IRAG2: variants seen among roughly 807,000 people sequenced by gnomAD.
IRAG2 encodes inositol 1,4,5-triphosphate receptor associated 2.
Under a neutral mutation model 69.9 loss-of-function variants are expected in IRAG2, and 45 were observed. That is an observed-to-expected ratio of 0.64 (90% CI 0.51 to 0.83). The LOEUF is 0.83. Ranked by LOEUF, IRAG2 falls within the 40% of genes least tolerant of loss-of-function variation. The pLI, the probability that IRAG2 is intolerant of heterozygous loss-of-function variation, is 0.00. For missense variants in IRAG2, 520 were observed against 587.0 expected (o/e 0.89, Z 1.18); for synonymous variants, 193 against 202.4 (o/e 0.95, Z 0.40).
intron 16 of IRAG2, 86 bp downstream of exon 16, chr12:25,101,411 A>C: frequency 5.6e-6 from 5 of 898,130 alleles, no homozygotes; most frequent in Non-Finnish European, 7.9e-6. Context: ...CTTCAGTATA[A>C]TAAAACTCTT....
intron 3 of IRAG2, among the ~76,000 whole-genome samples, chr12:25,014,598 T>A (rs924377566): frequency 6.6e-6 from 1 of 152,060 alleles, no homozygotes; most frequent in African/African-American, 2.4e-5. Flanking sequence ...CAAGCTAGAG[T>A]GTGTGTGCTA....
At chr12:25,017,042 T>A in intron 5 of IRAG2, 1 of 993,630 alleles carries the variant, frequency 1.0e-6, no homozygotes, top group Non-Finnish European at 1.3e-6. Flanking sequence ...CTCACCAGAA[T>A]ATCAAAGTTT....
intron 4 of IRAG2, among the ~76,000 whole-genome samples, chr12:25,065,387 T>C (rs1945911835): frequency 6.6e-6 from 1 of 152,168 alleles, no homozygotes; most frequent in Non-Finnish European, 1.5e-5. Flanking sequence ...TGATTGACCC[T>C]AAACCCTATG....
chr12:25,105,632 G>C (rs1949030118), intron 20 of IRAG2, among the ~76,000 whole-genome samples: 1 of 137,182 alleles, frequency 7.3e-6, no homozygotes, highest in Admixed American at 7.3e-5. Flanking sequence ...ATGAATTTGA[G>C]CTGGTTGGAA....
At chr12:25,077,196 G>T (rs1202733780) in intron 6 of IRAG2, among the ~76,000 whole-genome samples, 1 of 92,186 alleles carries the variant, frequency 1.1e-5, no homozygotes, top group African/African-American at 3.6e-5. Flanking sequence ...ATATATATAT[G>T]AAATATATAT....
chr12:25,066,553 G>A, intron 5 of IRAG2, 41 bp downstream of exon 5: 1 of 400,816 alleles, frequency 2.5e-6, no homozygotes, highest in Non-Finnish European at 4.4e-6. Flanking sequence ...CTCCTCATGG[G>A]TGGCCCATTC....
At chr12:25,104,211 T>C in intron 19 of IRAG2, 150 bp from the exon 20 acceptor site, 1 of 857,520 alleles carries the variant, frequency 1.2e-6, no homozygotes, top group South Asian at 1.7e-5. Context: ...ATTATGAAGT[T>C]TTTTATCATA....
At chr12:25,068,063 A>G (rs1282042395) in intron 5 of IRAG2, among the ~76,000 whole-genome samples, 1 of 150,056 alleles carries the variant, frequency 6.7e-6, no homozygotes, top group Non-Finnish European at 1.5e-5. Flanking sequence ...CTGGTCTTGA[A>G]CTCCTGACCT....
chr12:25,055,562 C>T (rs1455953221), intron 1 of IRAG2, among the ~76,000 whole-genome samples: 1 of 152,106 alleles, frequency 6.6e-6, no homozygotes, highest in African/African-American at 2.4e-5. Flanking sequence ...CACCCATTAA[C>T]TCGTCATTTA....
At chr12:25,027,576 A>G (rs990864631) in intron 9 of IRAG2, among the ~76,000 whole-genome samples, 4 of 151,660 alleles carry the variant, frequency 2.6e-5, no homozygotes, top group Admixed American at 6.6e-5. Context: ...TTGTATTTTT[A>G]GTAGAGACCG....
Position 25,098,983 on chromosome 12 carries a change from T to TTC in IRAG2, c.741+1943_741+1944dup, listed in dbSNP as rs549482833. The stretch of plus-strand genomic sequence containing the variant: ...TTCCAGGCACCATGTCCTCTAGCTT[T>TTC]TCTCTACATCACGGGCTGCTCCTTC... On this transcript the variant is annotated intron_variant, in intron 15 of 21. Coordinates refer to ENST00000556887, the MANE Select transcript of IRAG2 (RefSeq NM_001366544.2). 1.8e-4 allele frequency among the ~76,000 whole-genome samples: 27 copies of TTC among 152,264 alleles called. No individual in the cohort carries two copies. The East Asian group carries it at 4.8e-3, about 27-fold the overall frequency.
At chr12:25,043,362 TTC>T (rs1944766055) in intron 16 of IRAG2, among the ~76,000 whole-genome samples, 3 of 151,950 alleles carry the variant, frequency 2.0e-5, no homozygotes, top group Non-Finnish European at 4.4e-5. Context: ...AGATACTGGC[TTC>T]TGTTTCACTT....
chr12:25,081,262 G>A (rs1375578674), intron 9 of IRAG2, among the ~76,000 whole-genome samples: 1 of 151,976 alleles, frequency 6.6e-6, no homozygotes, highest in Admixed American at 6.6e-5. Flanking sequence ...GAAGATCGAG[G>A]GACCATCCTG....
At chr12:25,064,375 G>C (rs1945833444) in intron 4 of IRAG2, among the ~76,000 whole-genome samples, 1 of 152,186 alleles carries the variant, frequency 6.6e-6, no homozygotes, top group East Asian at 1.9e-4. Flanking sequence ...GTTTGAAAAA[G>C]AGCCAAAGGT....
exon 6 of IRAG2, chr12:25,017,138 G>C (rs941871048): frequency 4.1e-5 from 51 of 1,231,862 alleles, no homozygotes; most frequent in African/African-American, 7.8e-5. Flanking sequence ...TTGCAGAGAG[G>C]TGTCTGATTT....
At chr12:25,009,342 A>G (rs972930361) in intron 2 of IRAG2, among the ~76,000 whole-genome samples, 1 of 152,224 alleles carries the variant, frequency 6.6e-6, no homozygotes, top group African/African-American at 2.4e-5. Context: ...TTTTACATAT[A>G]AAATCACTGT....
At chr12:25,015,660 T>C (rs1168061705) in intron 5 of IRAG2, among the ~76,000 whole-genome samples, 1 of 152,242 alleles carries the variant, frequency 6.6e-6, no homozygotes, top group Non-Finnish European at 1.5e-5. Flanking sequence ...TGCTCTCTCA[T>C]GAAACCCTTC....
At chr12:25,078,061 T>A (rs1283277916) in intron 6 of IRAG2, among the ~76,000 whole-genome samples, 2 of 152,202 alleles carry the variant, frequency 1.3e-5, no homozygotes, top group East Asian at 3.8e-4. Context: ...TAGTTCGATA[T>A]GTGTTTGAAA....
At chr12:25,041,955 C>CTGTGTGTGTGTG (rs59225610) in intron 16 of IRAG2, among the ~76,000 whole-genome samples, 2 of 148,350 alleles carry the variant, frequency 1.3e-5, no homozygotes, top group Admixed American at 6.7e-5. Context: ...TTTGTTTCAG[C>CTGTGTGTGTGTG]TGTGTGTGTG....
Sources: gnomAD v4.1 joint callset for allele counts (sites outside exome capture counted in the v4.1 genomes callset) on GRCh38, gnomAD v4.1.1 for gene constraint, MANE v1.5 for transcripts, NCBI Gene and HGNC (gene_info 2026-07-23, HGNC 2026-07-21) for gene names.